Variants in ZRANB2 observed in about 807,000 individuals in gnomAD.
The protein encoded by ZRANB2 is zinc finger RANBP2-type containing 2, also known as zinc finger Ran-binding domain-containing protein 2.
ZRANB2 carries 19 observed loss-of-function variants against 53.4 expected under a neutral mutation model. The ratio of observed to expected loss-of-function variants is 0.36; its 90% CI spans 0.25 to 0.52. The LOEUF (loss-of-function observed/expected upper bound fraction) is 0.52. Among genes scored for constraint, ZRANB2 ranks in the 20% least tolerant of loss-of-function variants. The pLI is 0.93. For synonymous variants in ZRANB2, 145 were observed against 134.8 expected (o/e 1.08, Z -0.52); for missense variants, 309 against 401.1 (o/e 0.77, Z 1.96).
rs919174903 is a variant in ZRANB2, at chr1:71,070,909, G to C, written c.601C>G (p.Arg201Gly). ...EDSNKKKSNR[R>G]SRSKSRSSHS... is the part of the protein sequence containing the mutation. ...GAAGATCGAGACTTTGAGCGACTTC[G>C]TCTATTAGATTTCTTTTTATTACTA... is the stretch of plus-strand genomic sequence containing the variant. Residue 201 changes from arginine to glycine, a missense_variant, in exon 7 of 10, where the codon CGA becomes GGA. By Grantham distance (125) the Arg-to-Gly change is moderately radical. Coordinates refer to ENST00000370920, the MANE Select transcript of ZRANB2 (RefSeq NM_203350.3). The C allele has an allele frequency of 6.2e-7, 1 of 1,610,794 alleles. No individual in the cohort carries two copies. The highest frequency in any genetic ancestry group is 2.2e-5 in the East Asian group (1 of 44,820).
At position 71,068,226 on chromosome 1, in the gene ZRANB2, A is replaced by G. The variant is rs150870600; in HGVS notation, c.770+1050T>C. Reference sequence around the variant, plus strand: ...TGCACAACATTCTTTTCTCCTTAACATGATTATACTGTGGCAGCCCTTTAA... The same window carrying G: ...TGCACAACATTCTTTTCTCCTTAACGTGATTATACTGTGGCAGCCCTTTAA... On this transcript the variant is annotated intron_variant, in intron 8 of 9. Coordinates refer to ENST00000370920, the MANE Select transcript of ZRANB2 (RefSeq NM_203350.3). Among the ~76,000 whole-genome samples the G allele has an allele frequency of 8.4e-4, 128 of 152,240 alleles. 1 individual carries two copies. The highest frequency in any genetic ancestry group is 2.9e-3 in the African/African-American group (121 of 41,550).
chr1:71,069,304 G>A lies in ZRANB2; in HGVS notation c.742C>T (p.Arg248Cys), dbSNP rs369116396. 4.3e-6 allele frequency: 7 copies of A among 1,612,226 alleles called. No homozygotes were observed. The highest frequency in any genetic ancestry group is 5.9e-6 in the Non-Finnish European group (7 of 1,179,118). The change falls in exon 8 of 10, where the codon CGT (arginine) becomes TGT (cysteine). Residue 248 changes from arginine (R) to cysteine (C), a missense_variant. By Grantham distance (180) the Arg-to-Cys change is radical. This residue lies in a region of ZRANB2 where 211 missense variants were observed against 196.1 expected (regional missense o/e 1.08). Transcript: ENST00000370920. Reference protein sequence around the residue: ...QSRSRSSSRERSRSRGSKSRS... With the variant: ...QSRSRSSSRECSRSRGSKSRS... ...GATTTCGACCCACGAGATCTCGAAC[G>A]TTCTCTGGAACTGGAACGAGATCTT...
At position 71,064,330 on chromosome 1, in the gene ZRANB2, C is replaced by T. The variant is rs1224673833; in HGVS notation, c.*744G>A. The T allele has an allele frequency of 6.6e-6, 1 of 152,108 alleles. No individual in the cohort carries two copies. Among genetic ancestry groups the T allele is most frequent in the Non-Finnish European group, 1.5e-5 (1 of 67,872 alleles). The allele number at this position is 152,108 out of a possible 1,614,324, so 9.4% of individuals were successfully genotyped here. ...TTTGGAAGAATATCACACAAAGCTT[C>T]TTAAAACATTGGTAAACATTTTGAG... On this transcript the variant is annotated 3_prime_UTR_variant, in exon 10 of 10. Coordinates refer to ENST00000370920, the MANE Select transcript of ZRANB2 (RefSeq NM_203350.3).
intron 6 of ZRANB2, 111 bp downstream of exon 6, chr1:71,072,010 A>C: frequency 6.9e-7 from 1 of 1,455,030 alleles, no homozygotes; most frequent in Non-Finnish European, 9.1e-7. Context: ...TGTGAGAACA[A>C]ATGAAAACAC....
chr1:71,072,045 G>C, intron 6 of ZRANB2, 76 bp downstream of exon 6: 3 of 1,538,186 alleles, frequency 2.0e-6, no homozygotes, highest in Non-Finnish European at 2.6e-6. Context: ...CCAAGTGTCT[G>C]AGGCTGTCAA....
chr1:71,080,865 G>C, intron 1 of ZRANB2, 75 bp downstream of exon 1: 4 of 1,561,278 alleles, frequency 2.6e-6, no homozygotes, highest in Non-Finnish European at 2.6e-6. Flanking sequence ...TCATAAAAAA[G>C]GAAAATGCCG....
chr1:71,078,761 A>G, intron 1 of ZRANB2, 53 bp from the exon 2 acceptor site: 1 of 1,481,608 alleles, frequency 6.7e-7, no homozygotes, highest in Non-Finnish European at 9.3e-7. Flanking sequence ...AAAATTTTAC[A>G]TTTTAACTTG....
intron 8 of ZRANB2, among the ~76,000 whole-genome samples, chr1:71,067,943 C>G (rs917093582): frequency 4.7e-5 from 7 of 150,314 alleles, no homozygotes; most frequent in Non-Finnish European, 1.0e-4. Flanking sequence ...GTAGCATAAG[C>G]ATGGCTCACT....
At chr1:71,072,405 T>C in intron 5 of ZRANB2, 67 bp downstream of exon 5, 4 of 1,516,726 alleles carry the variant, frequency 2.6e-6, no homozygotes, top group Non-Finnish European at 3.6e-6. Flanking sequence ...TTTGTTTTCC[T>C]TTGCATTTAA....
At chr1:71,071,081 C>G in intron 6 of ZRANB2, 85 bp from the exon 7 acceptor site, 3 of 1,154,112 alleles carry the variant, frequency 2.6e-6, no homozygotes, top group Non-Finnish European at 3.5e-6. Flanking sequence ...TACTGAGCAC[C>G]TCCATATGCA....
chr1:71,080,982 T>C lies in ZRANB2; in HGVS notation c.14A>G (p.Asn5Ser), dbSNP rs376338886. The C allele has an allele frequency of 9.9e-6, 16 of 1,613,998 alleles. No homozygotes were observed. The highest frequency in any genetic ancestry group is 4.0e-5 in the African/African-American group (3 of 74,922). MSTKNFRVSDGDWIC... is the reference protein window; with the variant it reads MSTKSFRVSDGDWIC... ...CCAGTCCCCGTCACTGACTCGGAAA[T>C]TCTTGGTCGACATCTTGAACGCCAC... Residue 5 changes from asparagine to serine, a missense_variant, in exon 1 of 10, where the codon AAT becomes AGT. Asn to Ser is a conservative substitution (Grantham distance 46, BLOSUM62 1). Transcript: ENST00000370920.
At chr1:71,069,104 A>G (rs1661537190) in intron 8 of ZRANB2, among the ~76,000 whole-genome samples, 172 bp downstream of exon 8, 1 of 152,196 alleles carries the variant, frequency 6.6e-6, no homozygotes, top group Non-Finnish European at 1.5e-5. Flanking sequence ...CACTGCTGGC[A>G]ATGGAAACAT....
chr1:71,072,604 A>G, intron 4 of ZRANB2, 56 bp from the exon 5 acceptor site: 1 of 1,337,052 alleles, frequency 7.5e-7, no homozygotes. Flanking sequence ...AATAATAAAC[A>G]CATCATGCCC....
At position 71,076,716 on chromosome 1, in the gene ZRANB2, C is replaced by T. The variant is rs992944918; in HGVS notation, c.301+79G>A. 9 of 1,082,370 alleles carry T rather than the reference C, an allele frequency of 8.3e-6. No homozygotes were observed. The African/African-American group carries it at 1.3e-4, about 15-fold the overall frequency. The allele number at this position is 1,082,370 out of a possible 1,614,324, so 67.0% of individuals were successfully genotyped here. A position where few individuals can be genotyped will look rare whatever the true frequency, so the allele number is the denominator to read the frequency against. On this transcript the variant is annotated intron_variant, in intron 4 of 9. Transcript: ENST00000370920. Reference sequence around the variant, plus strand: ...GAATCCTCACTTACTGTGGCTCTTACTCGAAGGTGATACAATTATCGTTTC... The same window carrying T: ...GAATCCTCACTTACTGTGGCTCTTATTCGAAGGTGATACAATTATCGTTTC...
At chr1:71,071,619 C>G (rs1360701807) in intron 6 of ZRANB2, among the ~76,000 whole-genome samples, 1 of 152,084 alleles carries the variant, frequency 6.6e-6, no homozygotes, top group Non-Finnish European at 1.5e-5. Context: ...ATTCTCCCCT[C>G]TGCTCTAACT....
intron 5 of ZRANB2, 62 bp from the exon 6 acceptor site, chr1:71,072,317 C>T: frequency 3.3e-6 from 5 of 1,493,146 alleles, no homozygotes; most frequent in Non-Finnish European, 4.5e-6. Context: ...AATACATTTT[C>T]TAAAAAATTA....
At chr1:71,080,867 A>G in intron 1 of ZRANB2, 73 bp downstream of exon 1, 2 of 1,564,748 alleles carry the variant, frequency 1.3e-6, no homozygotes, top group Non-Finnish European at 1.8e-6. Flanking sequence ...ATAAAAAAGG[A>G]AAATGCCGGA....
rs1157329802 is a variant in ZRANB2 at position 71,070,974 on chromosome 1, T to C, written c.536A>G (p.Asp179Gly). 1 of 1,593,964 alleles carries C rather than the reference T, an allele frequency of 6.3e-7. No individual in the cohort carries two copies. The highest frequency in any genetic ancestry group is 1.8e-5 in the Admixed American group (1 of 56,650). ...GGCATCAAGATTATATTTTGAGAGA[T>C]CAGCGTCATCTTCATCCTCATCCTA... ...LDEDEDEDDA[D>G]LSKYNLDASE... is the part of the protein sequence containing the mutation. Residue 179 changes from aspartate to glycine, a missense_variant, in exon 7 of 10, where the codon GAT (aspartate) becomes GGT (glycine). By Grantham distance (94) the Asp-to-Gly change is moderately conservative (BLOSUM62 -1). Transcript: ENST00000370920.
Position 71,069,315 on chromosome 1 carries a change from C to A in ZRANB2, c.731G>T (p.Ser244Ile), listed in dbSNP as rs745937681. Residue 244 changes from serine (S) to isoleucine (I), a missense_variant, in exon 8 of 10, where the codon AGT (serine) becomes ATT (isoleucine). Physicochemically the swap from Ser to Ile is moderately radical, Grantham distance 142. Around this residue, in one of 3 missense-constraint regions of ZRANB2, gnomAD observed 211 missense variants for 196.1 expected, o/e 1.08. Coordinates refer to ENST00000370920, the MANE Select transcript of ZRANB2 (RefSeq NM_203350.3). ...ACGAGATCTCGAACGTTCTCTGGAA[C>A]TGGAACGAGATCTTGACTGCGAACT... Reference protein sequence around the residue: ...SSSSQSRSRSSSRERSRSRGS... With the variant: ...SSSSQSRSRSISRERSRSRGS... The A allele has an allele frequency of 5.0e-6, 8 of 1,612,692 alleles. 1 individual carries two copies. In the South Asian group the frequency reaches 6.6e-5, roughly 13 times the overall value.
Sources: allele counts gnomAD v4.1 joint callset (sites outside exome capture counted in the v4.1 genomes callset), GRCh38; gene constraint gnomAD v4.1.1; regional missense constraint gnomAD v4.1.1; transcripts MANE v1.5; gene names NCBI Gene and HGNC (gene_info 2026-07-23, HGNC 2026-07-21).